The following MMS22L variants were observed in gnomAD, a reference collection of about 807,000 sequenced individuals.
The protein encoded by MMS22L is protein MMS22-like.
MMS22L carries 74 observed loss-of-function variants against 159.1 expected under a neutral mutation model. The observed-to-expected ratio is 0.47, with a 90% CI of 0.39 to 0.56. MMS22L has a LOEUF of 0.56. Among genes scored for constraint, MMS22L ranks in the 20% least tolerant of loss-of-function variants. The pLI is 0.00. For missense variants in MMS22L, 1,351 were observed against 1,422.1 expected (o/e 0.95, Z 0.80); for synonymous variants, 517 against 506.9 (o/e 1.02, Z -0.27).
intron 14 of MMS22L, among the ~76,000 whole-genome samples, chr6:97,191,405 C>T (rs933226092): frequency 8.5e-5 from 13 of 152,130 alleles, no homozygotes; most frequent in African/African-American, 3.1e-4. Context: ...TCCTGGTATT[C>T]ACAGTTGTAT....
At chr6:97,231,900 G>T (rs1443350469) in intron 12 of MMS22L, among the ~76,000 whole-genome samples, 1 of 152,112 alleles carries the variant, frequency 6.6e-6, no homozygotes, top group Non-Finnish European at 1.5e-5. Flanking sequence ...ATACAAACAA[G>T]ATCCATACAT....
chr6:97,179,648 C>A, intron 16 of MMS22L, 89 bp from the exon 17 acceptor site: 1 of 1,131,370 alleles, frequency 8.8e-7, no homozygotes, highest in East Asian at 2.7e-5. Context: ...TCTAACATCC[C>A]TGCAACTCCT....
At chr6:97,243,125 A>G (rs1812260260) in intron 11 of MMS22L, among the ~76,000 whole-genome samples, 1 of 152,140 alleles carries the variant, frequency 6.6e-6, no homozygotes, top group South Asian at 2.1e-4. Context: ...CTAGATCTCT[A>G]GCAATGCCAG....
At chr6:97,157,568 TGAGATA>T (rs1206630155) in intron 22 of MMS22L, among the ~76,000 whole-genome samples, 2 of 152,208 alleles carry the variant, frequency 1.3e-5, no homozygotes, top group African/African-American at 4.8e-5. Flanking sequence ...CTGCATCTAT[TGAGATA>T]ATCATGTGGT....
chr6:97,181,949 C>A lies in MMS22L; in HGVS notation c.2339G>T (p.Cys780Phe), dbSNP rs764134583. The A allele has an allele frequency of 6.2e-7, 1 of 1,613,498 alleles. No individual in the cohort carries two copies. The highest frequency in any genetic ancestry group is 1.1e-5 in the South Asian group (1 of 90,936). ...TAAATATCTTGCTACAACTTGAGGG[C>A]AGATGATATCATCCCAACCAAAAAG... is the stretch of plus-strand genomic sequence containing the variant. ...IQLFGWDDII[C>F]PQVVARYLSH... The change falls in exon 16 of 25, where the codon TGC (cysteine) becomes TTC (phenylalanine). Residue 780 changes from cysteine to phenylalanine, a missense_variant. Transcript: ENST00000683635.
intron 14 of MMS22L, among the ~76,000 whole-genome samples, chr6:97,206,646 G>C (rs908225143): frequency 6.6e-6 from 1 of 152,058 alleles, no homozygotes; most frequent in Admixed American, 6.6e-5. Flanking sequence ...TTGGAGAAGT[G>C]GGGAAAGACT....
In MMS22L at chr6:97,182,144, T is replaced by G. The variant is rs533917291; in HGVS notation, c.2234-90A>C. On this transcript the variant is annotated intron_variant, in intron 15 of 24. Coordinates refer to ENST00000683635, the MANE Select transcript of MMS22L (RefSeq NM_001350599.2). ...CCCTGGCCAATTATAACAAGTGTTT[T>G]TTTTTTTTTTAAGTAACAAATAATA... 1,014 of 1,098,862 alleles carry G rather than the reference T, an allele frequency of 9.2e-4. 4 individuals are homozygous for G. In the African/African-American group the frequency reaches 0.014, roughly 16 times the overall value. 68.1% of individuals were successfully genotyped at this position (1,098,862 alleles called of 1,614,324 possible). A position where few individuals can be genotyped will look rare whatever the true frequency, so the allele number is the denominator to read the frequency against.
At chr6:97,181,038 T>C (rs916370706) in intron 16 of MMS22L, among the ~76,000 whole-genome samples, 3 of 152,036 alleles carry the variant, frequency 2.0e-5, no homozygotes, top group Non-Finnish European at 4.4e-5. Flanking sequence ...ACACACGACG[T>C]ATGTGTAGGT....
chr6:97,181,843 C>T, intron 16 of MMS22L, 61 bp downstream of exon 16: 1 of 1,530,762 alleles, frequency 6.5e-7, no homozygotes. Flanking sequence ...TCTTAGCTTC[C>T]TAGGATACTG....
At chr6:97,173,497 G>C (rs908564510) in intron 18 of MMS22L, among the ~76,000 whole-genome samples, 10 of 151,652 alleles carry the variant, frequency 6.6e-5, no homozygotes, top group African/African-American at 2.4e-4. Flanking sequence ...CAAAATATCA[G>C]TGAAAAAAAA....
Position 97,145,574 on chromosome 6 carries a change from G to A in MMS22L, c.*1232C>T, listed in dbSNP as rs367557759. ...AAGATAAAATTGAGAGGTGTTCTTT[G>A]CCTTAATTGTGCACGAGTAATAAAC... On this transcript the variant is annotated 3_prime_UTR_variant, in exon 25 of 25. Transcript: ENST00000683635. The A allele has an allele frequency of 7.2e-5, 11 of 152,106 alleles. No homozygotes were observed. The South Asian group carries it at 8.3e-4, about 11-fold the overall frequency. The allele number at this position is 152,106 out of a possible 1,614,324, so 9.4% of individuals were successfully genotyped here.
chr6:97,246,399 A>G (rs1812646107), intron 11 of MMS22L, among the ~76,000 whole-genome samples: 1 of 152,210 alleles, frequency 6.6e-6, no homozygotes, highest in Non-Finnish European at 1.5e-5. Context: ...TATTTTGAAT[A>G]CATTTTGTCA....
At chr6:97,239,209 T>C in intron 11 of MMS22L, among the ~76,000 whole-genome samples, 1 of 152,118 alleles carries the variant, frequency 6.6e-6, no homozygotes. Context: ...TATTTAGATC[T>C]AATCACATTC....
chr6:97,186,783 A>G, intron 14 of MMS22L, 93 bp from the exon 15 acceptor site: 1 of 871,992 alleles, frequency 1.1e-6, no homozygotes. Context: ...TTTATATCAT[A>G]TGAGAAACAT....
chr6:97,213,836 A>C (rs933552810), intron 14 of MMS22L, among the ~76,000 whole-genome samples: 4 of 152,152 alleles, frequency 2.6e-5, no homozygotes, highest in African/African-American at 9.7e-5. Context: ...TAATACTGGA[A>C]AATAAAAGTT....
chr6:97,248,263 T>C (rs2128044325), intron 10 of MMS22L, among the ~76,000 whole-genome samples: 1 of 152,366 alleles, frequency 6.6e-6, no homozygotes, highest in Non-Finnish European at 1.5e-5. Context: ...AAGCAAATTC[T>C]GCAGTTCCAG....
chr6:97,162,220 C>T (rs1031552250), intron 21 of MMS22L, 55 bp from the exon 22 acceptor site: 3 of 1,477,282 alleles, frequency 2.0e-6, no homozygotes, highest in South Asian at 2.6e-5. Context: ...TAGAGCAAGA[C>T]CAAATGGCAT....
At chr6:97,242,648 G>A (rs1263355978) in intron 11 of MMS22L, among the ~76,000 whole-genome samples, 1 of 151,978 alleles carries the variant, frequency 6.6e-6, no homozygotes. Context: ...TTGCCTGAGT[G>A]CCTTTTTTCA....
intron 17 of MMS22L, among the ~76,000 whole-genome samples, chr6:97,178,875 T>C (rs1448775802): frequency 6.6e-6 from 1 of 152,032 alleles, no homozygotes; most frequent in Non-Finnish European, 1.5e-5. Context: ...AAATAACAAG[T>C]GGCCACAAAC....
Sources: allele counts gnomAD v4.1 joint callset (sites outside exome capture counted in the v4.1 genomes callset), GRCh38; gene constraint gnomAD v4.1.1; transcripts MANE v1.5; gene names NCBI Gene and HGNC (gene_info 2026-07-23, HGNC 2026-07-21).